PSMG2: variants seen among roughly 807,000 people sequenced by gnomAD.
PSMG2 encodes the protein proteasome assembly chaperone 2.
PSMG2 carries 21 observed loss-of-function variants against 31.5 expected under a neutral mutation model. That is an observed-to-expected ratio of 0.67 (90% CI 0.47 to 0.96). PSMG2 has a LOEUF of 0.96. Among genes scored for constraint, PSMG2 ranks in the 40% least tolerant of loss-of-function variants. The probability of loss-of-function intolerance (pLI) is 0.00; values close to 1 mark genes in which losing one functional copy is unlikely to be tolerated. For synonymous variants in PSMG2, 120 were observed against 110.4 expected (o/e 1.09, Z -0.54); for missense variants, 318 against 321.2 (o/e 0.99, Z 0.08).
chr18:12,680,950 AC>A, intron 1 of PSMG2: 2 of 872,588 alleles, frequency 2.3e-6, no homozygotes, highest in Non-Finnish European at 3.3e-6. Context: ...TGTAATCCCA[AC>A]ACTTTGGGAG....
At chr18:12,677,301 G>A (rs1250214399) in intron 1 of PSMG2, among the ~76,000 whole-genome samples, 2 of 151,734 alleles carry the variant, frequency 1.3e-5, no homozygotes. Context: ...CTGGCAGCGT[G>A]GTAGCACATG....
intron 1 of PSMG2, chr18:12,674,610 A>G: frequency 1.2e-6 from 2 of 1,614,120 alleles, no homozygotes; most frequent in Non-Finnish European, 1.7e-6. Flanking sequence ...ATGTGTGACC[A>G]TCAGGTACAG....
chr18:12,691,399 C>T lies in PSMG2; in HGVS notation c.-36-15151C>T, dbSNP rs1234552291. ...AACCAGTCGTGAGTTGTGTGAGGGT[C>T]GAATTTGCAAATATTCTCTCCACCA... is the stretch of plus-strand genomic sequence containing the variant. On this transcript the variant is annotated intron_variant, in intron 1 of 6. Transcript: ENST00000585331. 1.9e-5 allele frequency: 30 copies of T among 1,607,312 alleles called. No individual in the cohort carries two copies. Among genetic ancestry groups the T allele is most frequent in the Non-Finnish European group, 2.4e-5 (28 of 1,176,468 alleles).
upstream of PSMG2, chr18:12,702,682 G>A (rs1459335187): frequency 3.0e-6 from 3 of 1,016,714 alleles, no homozygotes; most frequent in Non-Finnish European, 2.8e-6. Flanking sequence ...GCAGCTCCCG[G>A]GGGACGCAAC....
chr18:12,725,328 C>A, intron 6 of PSMG2, 111 bp from the exon 7 acceptor site: 1 of 749,922 alleles, frequency 1.3e-6, no homozygotes, highest in Non-Finnish European at 2.1e-6. Context: ...TAAAACCTGG[C>A]TATAAAAGTG....
chr18:12,699,383 T>C (rs2040073016), upstream of PSMG2, among the ~76,000 whole-genome samples: 1 of 152,268 alleles, frequency 6.6e-6, no homozygotes, highest in Non-Finnish European at 1.5e-5. Flanking sequence ...GGGGAGAAGA[T>C]ACACAAAATA....
intron 5 of PSMG2, 140 bp from the exon 6 acceptor site, chr18:12,724,359 G>A: frequency 1.2e-6 from 1 of 819,912 alleles, no homozygotes; most frequent in Non-Finnish European, 1.8e-6. Flanking sequence ...GGGGCGAAGG[G>A]AGATGATAAG....
chr18:12,683,192 A>AAAAAAAAAAAAAAAAAAAAAAAAAAAC (rs2039412498), intron 1 of PSMG2, among the ~76,000 whole-genome samples: 1 of 146,392 alleles, frequency 6.8e-6, no homozygotes, highest in Non-Finnish European at 1.5e-5. Context: ...ATACCAAAAA[A>AAAAAAAAAAAAAAAAAAAAAAAAAAAC]AAAAAAAAAA....
chr18:12,713,767 C>A (rs921115721), intron 3 of PSMG2, among the ~76,000 whole-genome samples: 1 of 145,718 alleles, frequency 6.9e-6, no homozygotes, highest in Non-Finnish European at 1.5e-5. Flanking sequence ...TAATTTCTTT[C>A]TTTTTTTTTT....
chr18:12,721,624 C>G (rs11875203), intron 5 of PSMG2, among the ~76,000 whole-genome samples: 21,375 of 151,356 alleles, frequency 0.14, 1,751 homozygotes, highest in African/African-American at 0.2. Flanking sequence ...CTTTTTTTTC[C>G]TAGTCAAGCT....
intron 1 of PSMG2, 61 bp downstream of exon 1, chr18:12,703,225 C>T: frequency 6.6e-7 from 1 of 1,520,112 alleles, no homozygotes; most frequent in African/African-American, 1.4e-5. Context: ...GTCGCCACCC[C>T]GACGCGGGGT....
At chr18:12,704,261 T>G (rs2040236867) in intron 1 of PSMG2, among the ~76,000 whole-genome samples, 1 of 152,142 alleles carries the variant, frequency 6.6e-6, no homozygotes, top group South Asian at 2.1e-4. Flanking sequence ...GAAAACAAGT[T>G]AAAGATTTGG....
At chr18:12,724,651 T>C (rs2040459042) in intron 6 of PSMG2, 32 bp downstream of exon 6, 1 of 1,552,012 alleles carries the variant, frequency 6.4e-7, no homozygotes, top group African/African-American at 1.4e-5. Flanking sequence ...GCCTCTTCTT[T>C]GTCTGGTTGT....
chr18:12,671,195 C>T (rs2847270), intron 1 of PSMG2: 120,920 of 151,594 alleles, frequency 0.8, 48,683 homozygotes, highest in Non-Finnish European at 0.83. Context: ...CCTCTGGCCG[C>T]AGCCTCCAAA....
At position 12,722,194 on chromosome 18, in the gene PSMG2, T is replaced by A. The variant is rs987089085; in HGVS notation, c.581+1511T>A. 2.6e-5 allele frequency among the ~76,000 whole-genome samples: 4 copies of A among 152,212 alleles called. 1 individual carries two copies. Among genetic ancestry groups the A allele is most frequent in the Admixed American group, 2.6e-4 (4 of 15,274 alleles). On this transcript the variant is annotated intron_variant, in intron 5 of 6. Transcript: ENST00000317615. ...TCTGACCAAGACAGAGTAACTGATA[T>A]CAGACTTGCCCTCCTGCCATAAAAA...
At chr18:12,719,175 T>TA (rs1192046703) in intron 4 of PSMG2, among the ~76,000 whole-genome samples, 1 of 150,830 alleles carries the variant, frequency 6.6e-6, no homozygotes, top group African/African-American at 2.4e-5. Context: ...CCTCCCAAAG[T>TA]ATTGGGATTG....
intron 1 of PSMG2, among the ~76,000 whole-genome samples, chr18:12,667,489 G>A (rs937318736): frequency 1.3e-5 from 2 of 151,950 alleles, no homozygotes; most frequent in South Asian, 2.1e-4. Flanking sequence ...CGGCCAGGCC[G>A]GGTGGCTCAT....
At chr18:12,661,507 C>T (rs937780021) in intron 1 of PSMG2, among the ~76,000 whole-genome samples, 5 of 152,080 alleles carry the variant, frequency 3.3e-5, no homozygotes, top group African/African-American at 1.2e-4. Flanking sequence ...CGCAGTGGCT[C>T]ATACCTGTAA....
intron 2 of PSMG2, 69 bp downstream of exon 2, chr18:12,706,790 AT>A (rs1229507116): frequency 2.1e-6 from 3 of 1,462,300 alleles, no homozygotes; most frequent in African/African-American, 1.4e-5. Flanking sequence ...AATAGACTTT[AT>A]TGATAATTGT....
Sources: allele counts gnomAD v4.1 joint callset (sites outside exome capture counted in the v4.1 genomes callset), GRCh38; gene constraint gnomAD v4.1.1; transcripts MANE v1.5; gene names NCBI Gene and HGNC (gene_info 2026-07-23, HGNC 2026-07-21).